ALK: variants seen among roughly 807,000 people sequenced by gnomAD.
ALK encodes ALK tyrosine kinase receptor.
A neutral mutation model predicts 163.1 loss-of-function variants in ALK; 74 were observed. That is an observed-to-expected ratio of 0.45 (90% CI 0.38 to 0.55). The LOEUF is 0.55. ALK is among the 20% of genes least tolerant of loss of function. The pLI is 0.00. For synonymous variants in ALK, 960 were observed against 843.2 expected (o/e 1.14, Z -2.40); for missense variants, 2,063 against 2,105.3 (o/e 0.98, Z 0.39).
chr2:29,784,052 TGAGAGAGCGAGACAAC>T (rs897516212), intron 1 of ALK, among the ~76,000 whole-genome samples: 2 of 151,516 alleles, frequency 1.3e-5, no homozygotes, highest in East Asian at 1.9e-4. Flanking sequence ...ATATTAGATA[TGAGAGAGCGAGACAAC>T]GAGAGAGCGA....
intron 4 of ALK, among the ~76,000 whole-genome samples, chr2:29,511,232 C>A (rs141376453): frequency 2.1e-3 from 321 of 152,118 alleles, no homozygotes; most frequent in African/African-American, 7.4e-3. Flanking sequence ...TAGAACATTT[C>A]CATCATCTCC....
intron 4 of ALK, among the ~76,000 whole-genome samples, chr2:29,499,068 T>C (rs1672103079): frequency 6.6e-6 from 1 of 152,206 alleles, no homozygotes; most frequent in South Asian, 2.1e-4. Context: ...GAATGAGACC[T>C]GTGGTGGCCT....
chr2:29,286,031 G>A (rs1665847696), intron 9 of ALK, among the ~76,000 whole-genome samples: 1 of 152,158 alleles, frequency 6.6e-6, no homozygotes, highest in African/African-American at 2.4e-5. Context: ...TTTCCCTGAA[G>A]GCCTTCTCTG....
At chr2:29,469,004 AAC>A (rs2148109464) in intron 4 of ALK, among the ~76,000 whole-genome samples, 1 of 152,298 alleles carries the variant, frequency 6.6e-6, no homozygotes, top group Non-Finnish European at 1.5e-5. Flanking sequence ...GGATATAAAT[AAC>A]ACTCACATGC....
At chr2:29,713,318 A>T (rs1343170624) in intron 2 of ALK, among the ~76,000 whole-genome samples, 3 of 152,196 alleles carry the variant, frequency 2.0e-5, no homozygotes, top group Admixed American at 2.0e-4. Flanking sequence ...GTACTAGGGC[A>T]TTAGAACTTT....
intron 7 of ALK, 142 bp downstream of exon 7, chr2:29,320,609 T>A: frequency 1.8e-6 from 2 of 1,138,150 alleles, no homozygotes; most frequent in South Asian, 2.5e-5. Context: ...GAAGAGGGAA[T>A]TGTGTGTGAA....
intron 3 of ALK, among the ~76,000 whole-genome samples, chr2:29,577,022 C>T (rs1674543481): frequency 6.6e-6 from 1 of 152,082 alleles, no homozygotes; most frequent in African/African-American, 2.4e-5. Flanking sequence ...CATCCTGAAA[C>T]CACTCTGCAC....
chr2:29,824,088 G>C (rs192682107), intron 1 of ALK, among the ~76,000 whole-genome samples: 122 of 152,330 alleles, frequency 8.0e-4, no homozygotes, highest in Admixed American at 2.2e-3. Context: ...CAGGAGCCAA[G>C]GTATAGCTTG....
chr2:29,303,194 A>G (rs946367357), intron 8 of ALK, among the ~76,000 whole-genome samples: 1 of 152,334 alleles, frequency 6.6e-6, no homozygotes, highest in Non-Finnish European at 1.5e-5. Flanking sequence ...TTCATTAAAA[A>G]TAACACCTTT....
intron 3 of ALK, among the ~76,000 whole-genome samples, chr2:29,658,869 A>C (rs1223456174): frequency 6.6e-6 from 1 of 152,194 alleles, no homozygotes; most frequent in Non-Finnish European, 1.5e-5. Flanking sequence ...CCATAAGTTT[A>C]ATTCCCTCTT....
chr2:29,614,132 T>C (rs909163928), intron 3 of ALK, among the ~76,000 whole-genome samples: 1 of 152,094 alleles, frequency 6.6e-6, no homozygotes, highest in Non-Finnish European at 1.5e-5. Context: ...CTCCTTTCCC[T>C]AGACCATGGC....
intron 1 of ALK, among the ~76,000 whole-genome samples, chr2:29,866,774 C>T (rs376783065): frequency 5.9e-5 from 9 of 152,222 alleles, no homozygotes; most frequent in East Asian, 1.9e-4. Context: ...TTCTTAAAGG[C>T]CTATTGAAAA....
chr2:29,375,540 A>G (rs539131653), intron 5 of ALK, among the ~76,000 whole-genome samples: 100 of 152,146 alleles, frequency 6.6e-4, no homozygotes, highest in African/African-American at 2.2e-3. Context: ...GATGGTCTTG[A>G]TCTCCTGACC....
intron 1 of ALK, among the ~76,000 whole-genome samples, chr2:29,796,756 C>A (rs1664320447): frequency 6.6e-6 from 1 of 152,074 alleles, no homozygotes; most frequent in African/African-American, 2.4e-5. Flanking sequence ...GGAGCTGCAA[C>A]TACCTTAAAA....
chr2:29,387,868 T>C (rs950529281), intron 4 of ALK, among the ~76,000 whole-genome samples: 6 of 152,270 alleles, frequency 3.9e-5, no homozygotes, highest in African/African-American at 1.4e-4. Flanking sequence ...AAATAAAGCA[T>C]ATTATTGCTC....
At chr2:29,508,581 G>A (rs1006760191) in intron 4 of ALK, among the ~76,000 whole-genome samples, 1 of 151,734 alleles carries the variant, frequency 6.6e-6, no homozygotes, top group African/African-American at 2.4e-5. Flanking sequence ...AGCATTAGGA[G>A]ATATACCTAA....
chr2:29,670,901 G>A (rs1677663689), intron 3 of ALK, among the ~76,000 whole-genome samples: 1 of 151,852 alleles, frequency 6.6e-6, no homozygotes, highest in South Asian at 2.1e-4. Context: ...CTTTTGATTT[G>A]CTTTTCTGTG....
chr2:29,472,792 G>C (rs540469291), intron 4 of ALK, among the ~76,000 whole-genome samples: 19 of 152,140 alleles, frequency 1.2e-4, no homozygotes, highest in Non-Finnish European at 2.4e-4. Context: ...AGTCACAAAA[G>C]AGTAAGTTTA....
chr2:29,647,927 T>C (rs1676931449), intron 3 of ALK, among the ~76,000 whole-genome samples: 1 of 152,134 alleles, frequency 6.6e-6, no homozygotes, highest in Admixed American at 6.6e-5. Flanking sequence ...CAATGTGTCA[T>C]TCATTATGAA....
Sources: allele counts gnomAD v4.1 joint callset (sites outside exome capture counted in the v4.1 genomes callset), GRCh38; gene constraint gnomAD v4.1.1; transcripts MANE v1.5; gene names NCBI Gene and HGNC (gene_info 2026-07-23, HGNC 2026-07-21).